TEK: variants seen among roughly 807,000 people sequenced by gnomAD.
The protein encoded by TEK is TEK receptor tyrosine kinase.
TEK carries 43 observed loss-of-function variants against 131.8 expected under a neutral mutation model. That is an observed-to-expected ratio of 0.33 (90% confidence interval 0.26 to 0.42). The LOEUF (loss-of-function observed/expected upper bound fraction) is 0.42, where lower values mean the gene tolerates loss of function less well. TEK is among the 10% of genes least tolerant of loss of function. The pLI is 1.00. For missense variants in TEK, 1,162 were observed against 1,384.4 expected, an observed-to-expected ratio of 0.84 and a Z score of 2.55; for synonymous variants, 580 against 491.6, an observed-to-expected ratio of 1.18 and a Z score of -2.38.
At chr9:27,156,698 G>C (rs1475003962) in intron 1 of TEK, among the ~76,000 whole-genome samples, 1 of 152,144 alleles carries the variant, frequency 6.6e-6, no homozygotes, top group African/African-American at 2.4e-5. Context: ...ATTTAAAATT[G>C]AGATAATGGT....
chr9:27,219,976 T>G, intron 20 of TEK, 73 bp from the exon 21 acceptor site: 1 of 1,512,580 alleles, frequency 6.6e-7, no homozygotes, highest in Admixed American at 1.7e-5. Context: ...GCCCCTTATA[T>G]TTAGAAACCC....
chr9:27,109,730 C>A, intron 1 of TEK, 88 bp downstream of exon 1: 3 of 1,345,868 alleles, frequency 2.2e-6, no homozygotes, highest in Non-Finnish European at 3.2e-6. Context: ...CTCATCAGTG[C>A]TGATGAACAA....
At chr9:27,166,817 GCTC>G (rs1451097698) in intron 2 of TEK, among the ~76,000 whole-genome samples, 16 of 152,228 alleles carry the variant, frequency 1.1e-4, no homozygotes, top group Admixed American at 7.8e-4. Context: ...TTTGATGTGA[GCTC>G]CTGTCTTTTA....
intron 13 of TEK, 34 bp from the exon 14 acceptor site, chr9:27,204,877 A>G (rs1447380583): frequency 1.9e-6 from 3 of 1,612,698 alleles, no homozygotes; most frequent in Non-Finnish European, 2.5e-6. Context: ...TATGTAAACT[A>G]AACTACCTGC....
chr9:27,126,489 G>A (rs1245281782), intron 1 of TEK, among the ~76,000 whole-genome samples: 1 of 152,126 alleles, frequency 6.6e-6, no homozygotes, highest in African/African-American at 2.4e-5. Context: ...CAAATGACTG[G>A]GAAAGTGCTT....
chr9:27,137,915 TA>T (rs1822548895), intron 1 of TEK, among the ~76,000 whole-genome samples: 1 of 152,148 alleles, frequency 6.6e-6, no homozygotes, highest in African/African-American at 2.4e-5. Flanking sequence ...TTACAGTTCT[TA>T]AAGATGGTGT....
In TEK at chr9:27,139,322, A is replaced by ATTTTTTTTTT. The variant is rs1158698852; in HGVS notation, c.53-18495_53-18486dup. On this transcript the variant is annotated intron_variant, in intron 1 of 22. Transcript: ENST00000380036. ...AATTATTTGGAAGACAGCTTTAACA[A>ATTTTTTTTTT]TTTTTTTTTTTTTTTTTTTTTTTGA... Among the ~76,000 whole-genome samples, 10 of 86,924 alleles carry ATTTTTTTTTT rather than the reference A, an allele frequency of 1.2e-4. 1 individual carries two copies. The highest frequency in any genetic ancestry group is 1.8e-4 in the Non-Finnish European group (8 of 45,508). 57.0% of individuals were successfully genotyped at this position (86,924 alleles called of 152,430 possible). A position where few individuals can be genotyped will look rare whatever the true frequency, so the allele number is the denominator to read the frequency against.
At chr9:27,168,080 C>A (rs1311102297) in intron 2 of TEK, among the ~76,000 whole-genome samples, 4 of 152,110 alleles carry the variant, frequency 2.6e-5, no homozygotes, top group Non-Finnish European at 5.9e-5. Context: ...TTTTGGATTT[C>A]AGATTTTCTG....
intron 2 of TEK, among the ~76,000 whole-genome samples, chr9:27,164,424 A>G (rs544898545): frequency 1.7e-4 from 25 of 150,298 alleles, no homozygotes; most frequent in African/African-American, 5.6e-4. Context: ...GGTTCACGCC[A>G]TTCTCCTGCC....
rs1823999900 is a variant in TEK at position 27,172,605 on chromosome 9, C to A, written c.629-11C>A. The A allele has an allele frequency of 6.2e-7, 1 of 1,613,182 alleles. No homozygotes were observed. Among genetic ancestry groups the A allele is most frequent in the Non-Finnish European group, 8.5e-7 (1 of 1,179,376 alleles). On this transcript the variant is annotated splice_polypyrimidine_tract_variant and intron_variant, in intron 4 of 22. Coordinates refer to ENST00000380036, the MANE Select transcript of TEK (RefSeq NM_000459.5). ...CTCTACTCACCACAGCCTTGTTTTC[C>A]TTAACAAAAGGATGTGAAGCCCAGA...
At chr9:27,130,626 CTTTTT>C (rs571794271) in intron 1 of TEK, among the ~76,000 whole-genome samples, 1 of 121,848 alleles carries the variant, frequency 8.2e-6, no homozygotes, top group Non-Finnish European at 1.7e-5. Context: ...GATTAAAGTA[CTTTTT>C]TTTTTTTTTT....
At chr9:27,154,682 G>A (rs916939597) in intron 1 of TEK, among the ~76,000 whole-genome samples, 3 of 152,166 alleles carry the variant, frequency 2.0e-5, no homozygotes, top group Admixed American at 2.0e-4. Context: ...GAAGCTGGTA[G>A]GTATGTCTTC....
At chr9:27,129,963 G>A (rs1368008949) in intron 1 of TEK, among the ~76,000 whole-genome samples, 1 of 152,156 alleles carries the variant, frequency 6.6e-6, no homozygotes, top group African/African-American at 2.4e-5. Context: ...TCACAGCAAA[G>A]TTTCATAATT....
chr9:27,125,495 C>A (rs1243459040), intron 1 of TEK, among the ~76,000 whole-genome samples: 1 of 152,198 alleles, frequency 6.6e-6, no homozygotes, highest in East Asian at 1.9e-4. Context: ...TAATGAAACT[C>A]ATGGCTTATA....
intron 18 of TEK, among the ~76,000 whole-genome samples, chr9:27,214,532 T>C (rs77764699): frequency 0.095 from 14,397 of 152,284 alleles, 848 homozygotes; most frequent in Admixed American, 0.17. Flanking sequence ...TTATTCTCAA[T>C]TCCAGGCTTC....
intron 11 of TEK, among the ~76,000 whole-genome samples, chr9:27,195,919 G>A (rs1234626658): frequency 6.6e-6 from 1 of 152,184 alleles, no homozygotes; most frequent in Non-Finnish European, 1.5e-5. Context: ...ATTCAGTGAT[G>A]TCTTGGTAGC....
intron 1 of TEK, among the ~76,000 whole-genome samples, chr9:27,155,564 ACACTGG>A (rs1823301823): frequency 1.3e-5 from 2 of 152,272 alleles, no homozygotes; most frequent in South Asian, 4.1e-4. Flanking sequence ...AATACAGTAA[ACACTGG>A]CAATTGCCAT....
chr9:27,195,555 A>T, intron 11 of TEK: 1 of 441,924 alleles, frequency 2.3e-6, no homozygotes, highest in Non-Finnish European at 4.5e-6. Context: ...TTGTGTCCCT[A>T]CTGAGAATGC....
intron 6 of TEK, among the ~76,000 whole-genome samples, chr9:27,177,312 C>A (rs1416185089): frequency 2.0e-5 from 3 of 152,212 alleles, no homozygotes; most frequent in African/African-American, 4.8e-5. Context: ...CCACCAACAG[C>A]ATACAAGGGT....
Sources: gnomAD v4.1 joint callset for allele counts (sites outside exome capture counted in the v4.1 genomes callset) on GRCh38, gnomAD v4.1.1 for gene constraint, MANE v1.5 for transcripts, NCBI Gene and HGNC (gene_info 2026-07-23, HGNC 2026-07-21) for gene names.